OR5H14: variants seen among roughly 807,000 people sequenced by gnomAD.
OR5H14 encodes olfactory receptor family 5 subfamily H member 14, also known as olfactory receptor 5H14.
For missense variants in OR5H14, 392 were observed against 363.9 expected, an observed-to-expected ratio of 1.08 and a Z score of -0.63; for synonymous variants, 155 against 130.6, an observed-to-expected ratio of 1.19 and a Z score of -1.28.
rs200413292 is a variant in OR5H14 at position 98,155,585 on chromosome 3, G to A, written c.*5267G>A. On this transcript the variant is annotated 3_prime_UTR_variant, in exon 2 of 2. Transcript: ENST00000641380. ...TTTTTCCTCCCCCTGATGTTTGCCTGTTAACATTTCTCAACAGATTTCAGC... is the reference window on the plus strand; with the variant it reads ...TTTTTCCTCCCCCTGATGTTTGCCTATTAACATTTCTCAACAGATTTCAGC... The A allele has an allele frequency of 0.17, 25,519 of 147,164 alleles. No individual in the cohort carries two copies. The highest frequency in any genetic ancestry group is 0.37 in the East Asian group (1,790 of 4,900). 9.1% of individuals were successfully genotyped at this position (147,164 alleles called of 1,614,324 possible).
In OR5H14 at chr3:98,149,526, T is replaced by C. The variant is rs1359682183; in HGVS notation, c.141T>C (p.Ala47=). ...TCATGGGGAATCTTGGTCTGATTGC[T>C]GTCATCTGGAAAGACCCTCATCTTC... ...ITIMGNLGLI[A]VIWKDPHLHI... Residue 47 remains alanine, a synonymous_variant, in exon 2 of 2, where the codon GCT becomes GCC. Transcript: ENST00000641380. 4 of 1,613,434 alleles carry C rather than the reference T, an allele frequency of 2.5e-6. No individual in the cohort carries two copies. The highest frequency in any genetic ancestry group is 1.7e-6 in the Non-Finnish European group (2 of 1,179,602).
At position 98,150,891 on chromosome 3, in the gene OR5H14, G is replaced by A. The variant is rs1708498234; in HGVS notation, c.*573G>A. 6.6e-6 allele frequency: 1 copy of A among 152,256 alleles called. No homozygotes were observed. Among genetic ancestry groups the A allele is most frequent in the South Asian group, 2.1e-4 (1 of 4,836 alleles). The allele number at this position is 152,256 out of a possible 1,614,324, so 9.4% of individuals were successfully genotyped here. A position where few individuals can be genotyped will look rare whatever the true frequency, so the allele number is the denominator to read the frequency against. ...AGGACAAAATGAGAAGTGTTTAACA[G>A]TGAAGGCACTGCCAATGTGCAAGAG... On this transcript the variant is annotated 3_prime_UTR_variant, in exon 2 of 2. Coordinates refer to ENST00000641380, the MANE Select transcript of OR5H14 (RefSeq NM_001005514.2).
rs374375074 is a variant in OR5H14 at position 98,149,401 on chromosome 3, G to A, written c.16G>A (p.Ala6Thr). MEEEN[A>T]TLLTEFVLTG... ...CAGTGAGGACATGGAAGAGGAAAAT[G>A]CAACATTGCTGACAGAGTTTGTTCT... The change falls in exon 2 of 2, where the codon GCA becomes ACA. Residue 6 changes from alanine to threonine, a missense_variant. Physicochemically the swap from Ala to Thr is moderately conservative, Grantham distance 58. Coordinates refer to ENST00000641380, the MANE Select transcript of OR5H14 (RefSeq NM_001005514.2). 1 of 1,612,696 alleles carries A rather than the reference G, an allele frequency of 6.2e-7. No homozygotes were observed. The highest frequency in any genetic ancestry group is 8.5e-7 in the Non-Finnish European group (1 of 1,179,122).
rs148303937 is a variant in OR5H14, at chr3:98,149,028, C to T, written c.-18-340C>T. Among the ~76,000 whole-genome samples the T allele has an allele frequency of 5.9e-5, 9 of 152,094 alleles. No individual in the cohort carries two copies. The East Asian group carries it at 1.5e-3, about 26-fold the overall frequency. On this transcript the variant is annotated intron_variant, in intron 1 of 1. Coordinates refer to ENST00000641380, the MANE Select transcript of OR5H14 (RefSeq NM_001005514.2). Reference sequence around the variant, plus strand: ...GAAATATAAAGTTTAAGATTCTTCACGTGGCATTTATTTCATCTGGATATT... The same window carrying T: ...GAAATATAAAGTTTAAGATTCTTCATGTGGCATTTATTTCATCTGGATATT...
Position 98,149,707 on chromosome 3 carries a change from G to C in OR5H14, c.322G>C (p.Val108Leu). Residue 108 changes from valine (V) to leucine (L), a missense_variant, in exon 2 of 2, where the codon GTA becomes CTA. Coordinates refer to ENST00000641380, the MANE Select transcript of OR5H14 (RefSeq NM_001005514.2). ...ACAGTTGTTTTCGTTTGCAATCAGTGTAACCACGGAATGTTTTCTCTTGGC... is the reference window on the plus strand; with the variant it reads ...ACAGTTGTTTTCGTTTGCAATCAGTCTAACCACGGAATGTTTTCTCTTGGC... Reference protein sequence around the residue: ...KIQLFSFAISVTTECFLLATM... With the variant: ...KIQLFSFAISLTTECFLLATM... 2 of 1,613,224 alleles carry C rather than the reference G, an allele frequency of 1.2e-6. No homozygotes were observed. Among genetic ancestry groups the C allele is most frequent in the Non-Finnish European group, 1.7e-6 (2 of 1,179,638 alleles).
chr3:98,154,446 T>G lies in OR5H14; in HGVS notation c.*4128T>G, dbSNP rs936784895. ...AAATTCCACAGAAAATGTCTGGCAC[T>G]TTTGTTTGGGACAAGGATATTTTTC... On this transcript the variant is annotated 3_prime_UTR_variant, in exon 2 of 2. Transcript: ENST00000641380. 5.9e-5 allele frequency: 9 copies of G among 152,238 alleles called. No individual in the cohort carries two copies. Among genetic ancestry groups the G allele is most frequent in the African/African-American group, 2.2e-4 (9 of 41,472 alleles). 9.4% of individuals were successfully genotyped at this position (152,238 alleles called of 1,614,324 possible).
chr3:98,150,142 G>A lies in OR5H14; in HGVS notation c.757G>A (p.Gly253Arg), dbSNP rs767745867. Residue 253 changes from glycine (G) to arginine (R), a missense_variant, in exon 2 of 2, where the codon GGG (glycine) becomes AGG (arginine). Gly to Arg is a moderately radical substitution (Grantham distance 125). Transcript: ENST00000641380. ...AHLLSVSLYY[G>R]PLAFMYMGSA... ...TCTCTTATCTGTATCTTTATACTAT[G>A]GGCCCCTCGCCTTCATGTATATGGG... The A allele has an allele frequency of 7.4e-6, 12 of 1,611,564 alleles. No homozygotes were observed. The South Asian group carries it at 1.3e-4, about 18-fold the overall frequency.
rs958066400 is a variant in OR5H14, at chr3:98,154,953, A to G, written c.*4635A>G. On this transcript the variant is annotated 3_prime_UTR_variant, in exon 2 of 2. Coordinates refer to ENST00000641380, the MANE Select transcript of OR5H14 (RefSeq NM_001005514.2). ...AATTATGGCTCCTGATCATCATGCA[A>G]CTGGAGGCCATGGAATTCTAACCTT... The G allele has an allele frequency of 6.6e-6, 1 of 152,204 alleles. No individual in the cohort carries two copies. Among genetic ancestry groups the G allele is most frequent in the African/African-American group, 2.4e-5 (1 of 41,458 alleles). The allele number at this position is 152,204 out of a possible 1,614,324, so 9.4% of individuals were successfully genotyped here.
rs1576105606 is a variant in OR5H14 at position 98,150,593 on chromosome 3, T to C, written c.*275T>C. The C allele has an allele frequency of 4.4e-6, 1 of 229,350 alleles. No individual in the cohort carries two copies. Among genetic ancestry groups the C allele is most frequent in the East Asian group, 8.7e-5 (1 of 11,434 alleles). 14.2% of individuals were successfully genotyped at this position (229,350 alleles called of 1,614,324 possible). On this transcript the variant is annotated 3_prime_UTR_variant, in exon 2 of 2. Transcript: ENST00000641380. ...ATGGTATGTTAATCACTGTGTCTTA[T>C]AAATGCATTAAATGCAAAATAGTCT...
chr3:98,149,777 T>C lies in OR5H14; in HGVS notation c.392T>C (p.Leu131Pro), dbSNP rs778450838. The C allele has an allele frequency of 1.9e-6, 3 of 1,612,698 alleles. No homozygotes were observed. Among genetic ancestry groups the C allele is most frequent in the Non-Finnish European group, 2.5e-6 (3 of 1,179,654 alleles). Reference sequence around the variant, plus strand: ...TATGTAGCCATATGCAAACCCTTACTTTATCCAGCCATTATGACCAATGGA... The same window carrying C: ...TATGTAGCCATATGCAAACCCTTACCTTATCCAGCCATTATGACCAATGGA... ...DRYVAICKPL[L>P]YPAIMTNGLC... Residue 131 changes from leucine (L) to proline (P), a missense_variant, in exon 2 of 2, where the codon CTT becomes CCT. Leu to Pro is a moderately conservative substitution (Grantham distance 98, BLOSUM62 -3). Transcript: ENST00000641380.
rs1708516989 is a variant in OR5H14, at chr3:98,152,142, A to T, written c.*1824A>T. Reference sequence around the variant, plus strand: ...TTAGAATGGCAATCATTAGAAAGTCAGGAAATGTTAGATGCTGGAGAGGAT... The same window carrying T: ...TTAGAATGGCAATCATTAGAAAGTCTGGAAATGTTAGATGCTGGAGAGGAT... On this transcript the variant is annotated 3_prime_UTR_variant, in exon 2 of 2. Transcript: ENST00000641380. The T allele has an allele frequency of 6.6e-6, 1 of 152,216 alleles. No homozygotes were observed. Among genetic ancestry groups the T allele is most frequent in the African/African-American group, 2.4e-5 (1 of 41,476 alleles). 9.4% of individuals were successfully genotyped at this position (152,216 alleles called of 1,614,324 possible).
rs1708560495 is a variant in OR5H14, at chr3:98,154,665, G to C, written c.*4347G>C. The C allele has an allele frequency of 6.6e-6, 1 of 152,332 alleles. No homozygotes were observed. The highest frequency in any genetic ancestry group is 6.5e-5 in the Admixed American group (1 of 15,292). The allele number at this position is 152,332 out of a possible 1,614,324, so 9.4% of individuals were successfully genotyped here. A position where few individuals can be genotyped will look rare whatever the true frequency, so the allele number is the denominator to read the frequency against. ...GAGTATGATAGAATGAAATATAGTT[G>C]AAACCACCTTTGCAAAAATGATGAC... On this transcript the variant is annotated 3_prime_UTR_variant, in exon 2 of 2. Transcript: ENST00000641380.
chr3:98,153,201 C>G lies in OR5H14; in HGVS notation c.*2883C>G, dbSNP rs1708532549. ...ATACCAGCAAGATTACAATGATGAC[C>G]CCTTGAGGAAAATACCAAGGAACTG... On this transcript the variant is annotated 3_prime_UTR_variant, in exon 2 of 2. Transcript: ENST00000641380. The G allele has an allele frequency of 6.6e-6, 1 of 152,102 alleles. No homozygotes were observed. The highest frequency in any genetic ancestry group is 1.5e-5 in the Non-Finnish European group (1 of 68,008). 9.4% of individuals were successfully genotyped at this position (152,102 alleles called of 1,614,324 possible). A position where few individuals can be genotyped will look rare whatever the true frequency, so the allele number is the denominator to read the frequency against.
chr3:98,149,895 C>T lies in OR5H14; in HGVS notation c.510C>T (p.Asn170=), dbSNP rs143601347. 4,583 of 1,605,688 alleles carry T rather than the reference C, an allele frequency of 2.9e-3. 169 individuals are homozygous for T. In the African/African-American group the frequency reaches 0.053, roughly 18 times the overall value. Reference sequence around the variant, plus strand: ...TTTTATTCAGACTAACCTTCTGTAACTCCAACATAATACAACACTTTTACT... The same window carrying T: ...TTTTATTCAGACTAACCTTCTGTAATTCCAACATAATACAACACTTTTACT... ...EGFLFRLTFC[N]SNIIQHFYCD... Residue 170 remains asparagine, a synonymous_variant, in exon 2 of 2, where the codon AAC becomes AAT. Transcript: ENST00000641380.
In OR5H14 at chr3:98,151,628, C is replaced by CA. The variant is rs1708509483; in HGVS notation, c.*1311dup. The CA allele has an allele frequency of 2.6e-5, 4 of 152,182 alleles. No homozygotes were observed. The highest frequency in any genetic ancestry group is 2.6e-4 in the Admixed American group (4 of 15,272). The allele number at this position is 152,182 out of a possible 1,614,324, so 9.4% of individuals were successfully genotyped here. On this transcript the variant is annotated 3_prime_UTR_variant, in exon 2 of 2. Coordinates refer to ENST00000641380, the MANE Select transcript of OR5H14 (RefSeq NM_001005514.2). ...CATCATTGCTACCTGATTATACGTA[C>CA]ATGTGTTTTAGGTGTCAATATCTAT...
At position 98,150,161 on chromosome 3, in the gene OR5H14, A is replaced by G. The variant is rs1708484747; in HGVS notation, c.776A>G (p.Tyr259Cys). Residue 259 changes from tyrosine to cysteine, a missense_variant, in exon 2 of 2, where the codon TAT (tyrosine) becomes TGT (cysteine). By Grantham distance (194) the Tyr-to-Cys change is radical (BLOSUM62 -2). Coordinates refer to ENST00000641380, the MANE Select transcript of OR5H14 (RefSeq NM_001005514.2). ...SLYYGPLAFM[Y>C]MGSASPQADD... is the part of the protein sequence containing the mutation. Reference sequence around the variant, plus strand: ...TACTATGGGCCCCTCGCCTTCATGTATATGGGCTCTGCATCCCCACAGGCT... The same window carrying G: ...TACTATGGGCCCCTCGCCTTCATGTGTATGGGCTCTGCATCCCCACAGGCT... The G allele has an allele frequency of 1.6e-5, 25 of 1,612,564 alleles. No homozygotes were observed. The highest frequency in any genetic ancestry group is 1.9e-5 in the Non-Finnish European group (23 of 1,179,580).
rs750189593 is a variant in OR5H14 at position 98,150,341 on chromosome 3, T to A, written c.*23T>A. ...TAGATCATTACTAATATCTCTTTTCTATTTACTAAAATGTCACAAAATTGT... is the reference window on the plus strand; with the variant it reads ...TAGATCATTACTAATATCTCTTTTCAATTTACTAAAATGTCACAAAATTGT... On this transcript the variant is annotated 3_prime_UTR_variant, in exon 2 of 2. Transcript: ENST00000641380. The A allele has an allele frequency of 1.3e-5, 19 of 1,444,600 alleles. No individual in the cohort carries two copies. The highest frequency in any genetic ancestry group is 1.8e-4 in the Middle Eastern group (1 of 5,540). The allele number at this position is 1,444,600 out of a possible 1,614,324, so 89.5% of individuals were successfully genotyped here.
rs566894848 is a variant in OR5H14, at chr3:98,156,387, A to C, written c.*6069A>C. ...AGCATGCTAAGATTGCTGGGAACAA[A>C]TGGAACCAAGAAGAGTGAAGAATCT... On this transcript the variant is annotated 3_prime_UTR_variant, in exon 2 of 2. Transcript: ENST00000641380. The C allele has an allele frequency of 6.6e-6, 1 of 152,300 alleles. No individual in the cohort carries two copies. Among genetic ancestry groups the C allele is most frequent in the Admixed American group, 6.5e-5 (1 of 15,290 alleles). The allele number at this position is 152,300 out of a possible 1,614,324, so 9.4% of individuals were successfully genotyped here.
At chr3:98,148,531 T>C (rs1708452167) in intron 1 of OR5H14, among the ~76,000 whole-genome samples, 1 of 152,040 alleles carries the variant, frequency 6.6e-6, no homozygotes, top group Non-Finnish European at 1.5e-5. Flanking sequence ...CCATCTTCAA[T>C]AGTTAATGAC....
Sources: allele counts gnomAD v4.1 joint callset (sites outside exome capture counted in the v4.1 genomes callset), GRCh38; gene constraint gnomAD v4.1.1; transcripts MANE v1.5; gene names NCBI Gene and HGNC (gene_info 2026-07-23, HGNC 2026-07-21).